MATN3: variants seen among roughly 807,000 people sequenced by gnomAD.
MATN3 encodes matrilin 3.
A neutral mutation model predicts 45.3 loss-of-function variants in MATN3; 48 were observed. That is an observed-to-expected ratio of 1.06 (90% CI 0.84 to 1.35). The LOEUF (loss-of-function observed/expected upper bound fraction) is 1.35, where lower values mean the gene tolerates loss of function less well. Among genes scored for constraint, MATN3 ranks in the 40% most tolerant of loss-of-function variants. The pLI is 0.00. For synonymous variants in MATN3, 217 were observed against 245.9 expected (o/e 0.88, Z 1.10); for missense variants, 599 against 628.0 (o/e 0.95, Z 0.49).
chr2:20,001,283 T>C (rs1672979588), intron 4 of MATN3, among the ~76,000 whole-genome samples: 1 of 152,240 alleles, frequency 6.6e-6, no homozygotes, highest in African/African-American at 2.4e-5. Flanking sequence ...TTGCCATTAA[T>C]GTCCTTTTTC....
rs973343394 is a variant in MATN3, at chr2:20,006,150, A to G, written c.384T>C (p.Ala128=). ...ADTRVAVVNY[A]STVKIEFQLQ... Reference sequence around the variant, plus strand: ...GTTGGAACTCGATCTTCACAGTGCTAGCATAGTTCACCACTGCCACCCGCG... The same window carrying G: ...GTTGGAACTCGATCTTCACAGTGCTGGCATAGTTCACCACTGCCACCCGCG... The change falls in exon 2 of 8, where the codon GCT becomes GCC. Residue 128 remains alanine, a synonymous_variant. Coordinates refer to ENST00000407540, the MANE Select transcript of MATN3 (RefSeq NM_002381.5). The G allele has an allele frequency of 6.2e-7, 1 of 1,614,012 alleles. No homozygotes were observed.
intron 6 of MATN3, 94 bp from the exon 7 acceptor site, chr2:19,994,503 G>A (rs570646592): frequency 8.5e-5 from 63 of 739,360 alleles, no homozygotes; most frequent in South Asian, 4.6e-4. Context: ...TATTTCCACC[G>A]TTAAGACTTA....
At position 19,993,008 on chromosome 2, in the gene MATN3, C is replaced by T. The variant is rs1672788990; in HGVS notation, c.*103G>A. The T allele has an allele frequency of 5.5e-6, 5 of 903,540 alleles. No individual in the cohort carries two copies. The Admixed American group carries it at 5.9e-5, about 11-fold the overall frequency. The allele number at this position is 903,540 out of a possible 1,614,324, so 56.0% of individuals were successfully genotyped here. A position where few individuals can be genotyped will look rare whatever the true frequency, so the allele number is the denominator to read the frequency against. On this transcript the variant is annotated 3_prime_UTR_variant, in exon 8 of 8. Transcript: ENST00000407540. ...ATTCAAGCATTAATACAGATAATGG[C>T]AAATTATTAGCAGGAACATTGGCAA...
At chr2:20,005,181 G>A (rs1673069050) in intron 2 of MATN3, among the ~76,000 whole-genome samples, 1 of 152,076 alleles carries the variant, frequency 6.6e-6, no homozygotes, top group Non-Finnish European at 1.5e-5. Flanking sequence ...CTTCAACAAA[G>A]AGTAATCAGA....
intron 2 of MATN3, chr2:20,004,233 T>C (rs1325149149): frequency 6.6e-6 from 1 of 152,222 alleles, no homozygotes; most frequent in African/African-American, 2.4e-5. Context: ...CTTTTTTCCA[T>C]AGAGAGGACG....
intron 5 of MATN3, among the ~76,000 whole-genome samples, chr2:19,998,257 G>T (rs1421343926): frequency 6.6e-6 from 1 of 151,990 alleles, no homozygotes; most frequent in Non-Finnish European, 1.5e-5. Flanking sequence ...ATAGCAGGGT[G>T]TTTCATTTTT....
chr2:20,012,535 G>T lies in MATN3; in HGVS notation c.97C>A (p.Arg33Ser). ...LPSAAPDPVA[R>S]PGFRRLETRG... ...GTCTCCAGCCTCCGGAAGCCCGGGC[G>T]GGCCACGGGGTCGGGGGCGGCGGAG... Residue 33 changes from arginine to serine, a missense_variant, in exon 1 of 8, where the codon CGC (arginine) becomes AGC (serine). Transcript: ENST00000407540. The surrounding 1 kb of genome is among the most constrained non-coding windows in gnomAD (Gnocchi z 4.3). 1 of 1,226,798 alleles carries T rather than the reference G, an allele frequency of 8.2e-7. No homozygotes were observed. 76.0% of individuals were successfully genotyped at this position (1,226,798 alleles called of 1,614,324 possible).
In MATN3 at chr2:20,005,863, C is replaced by G; in HGVS notation, c.671G>C (p.Arg224Pro). 6.2e-7 allele frequency: 1 copy of G among 1,608,740 alleles called. No homozygotes were observed. The highest frequency in any genetic ancestry group is 8.5e-7 in the Non-Finnish European group (1 of 1,177,520). Residue 224 changes from arginine (R) to proline (P), a missense_variant, in exon 2 of 8, where the codon CGG (arginine) becomes CCG (proline). Arg to Pro is a moderately radical substitution (Grantham distance 103). Transcript: ENST00000407540. ...CATCTTGAGGGACGCCATGTCTGCCCGGTCCACGCCCACAGCATAGAGCTC... is the reference window on the plus strand; with the variant it reads ...CATCTTGAGGGACGCCATGTCTGCCGGGTCCACGCCCACAGCATAGAGCTC... Reference protein sequence around the residue: ...GIELYAVGVDRADMASLKMMA... With the variant: ...GIELYAVGVDPADMASLKMMA...
At chr2:20,009,387 C>A (rs1558376078) in intron 1 of MATN3, among the ~76,000 whole-genome samples, 1 of 151,824 alleles carries the variant, frequency 6.6e-6, no homozygotes, top group Admixed American at 6.6e-5. Context: ...GAACAGAAAA[C>A]CAGACACCAC....
At chr2:20,001,160 G>A (rs962679696) in intron 4 of MATN3, among the ~76,000 whole-genome samples, 4 of 152,138 alleles carry the variant, frequency 2.6e-5, no homozygotes, top group Non-Finnish European at 5.9e-5. Context: ...AAAAATTCCT[G>A]TACTTCACCC....
At chr2:20,009,062 A>G (rs1673167666) in intron 1 of MATN3, among the ~76,000 whole-genome samples, 1 of 151,846 alleles carries the variant, frequency 6.6e-6, no homozygotes. Flanking sequence ...TCATCTCTAT[A>G]AAAAGTTTAA....
chr2:20,003,850 T>C (rs1019483218), intron 2 of MATN3, among the ~76,000 whole-genome samples: 1 of 152,206 alleles, frequency 6.6e-6, no homozygotes, highest in African/African-American at 2.4e-5. Flanking sequence ...GTCTTCTGAA[T>C]ATGTAAGGTG....
In MATN3 at chr2:20,006,231, T is replaced by G. The variant is rs758973914; in HGVS notation, c.303A>C (p.Lys101Asn). Residue 101 changes from lysine to asparagine, a missense_variant, in exon 2 of 8, where the codon AAA becomes AAC. Coordinates refer to ENST00000407540, the MANE Select transcript of MATN3 (RefSeq NM_002381.5). ...SRSVRPLEFT[K>N]VKTFVSRIID... Reference sequence around the variant, plus strand: ...TTATCCGGGAGACAAAAGTTTTCACTTTGGTGAATTCCAGGGGCCGTACGC... The same window carrying G: ...TTATCCGGGAGACAAAAGTTTTCACGTTGGTGAATTCCAGGGGCCGTACGC... The G allele has an allele frequency of 6.8e-6, 11 of 1,612,490 alleles. No homozygotes were observed. In the Admixed American group the frequency reaches 1.3e-4, roughly 20 times the overall value.
At chr2:19,994,602 AC>A (rs1558369567) in intron 6 of MATN3, among the ~76,000 whole-genome samples, 193 bp from the exon 7 acceptor site, 1 of 152,272 alleles carries the variant, frequency 6.6e-6, no homozygotes, top group Non-Finnish European at 1.5e-5. Context: ...ATCTTAGGAT[AC>A]ATTGGGGAAA....
intron 1 of MATN3, among the ~76,000 whole-genome samples, chr2:20,009,252 C>A (rs1012200280): frequency 9.2e-5 from 12 of 130,690 alleles, no homozygotes; most frequent in South Asian, 5.8e-4. Flanking sequence ...AAAAAGGAAT[C>A]AAAATTCTTT....
Position 19,995,632 on chromosome 2 carries a change from TC to T in MATN3, c.1295-1224del, listed in dbSNP as rs1672851492. ...AAATATGAGAGGTGATAAAAGTAAC[TC>T]CTATTTCTTTATGGAATTCAGTCAG... is the stretch of plus-strand genomic sequence containing the variant. On this transcript the variant is annotated intron_variant, in intron 6 of 7. Transcript: ENST00000407540. The surrounding 1 kb of genome is among the most constrained non-coding windows in gnomAD (Gnocchi z 4.2). Among the ~76,000 whole-genome samples, 1 of 152,194 alleles carries T rather than the reference TC, an allele frequency of 6.6e-6. No individual in the cohort carries two copies. Among genetic ancestry groups the T allele is most frequent in the South Asian group, 2.1e-4 (1 of 4,832 alleles).
chr2:20,005,603 C>T (rs550378911), intron 2 of MATN3, 141 bp downstream of exon 2: 10 of 709,082 alleles, frequency 1.4e-5, no homozygotes, highest in Non-Finnish European at 2.1e-5. Flanking sequence ...CGCATGCACA[C>T]GTGCACACAC....
chr2:19,993,914 G>C (rs1291447487), intron 7 of MATN3, among the ~76,000 whole-genome samples: 1 of 152,166 alleles, frequency 6.6e-6, no homozygotes, highest in Non-Finnish European at 1.5e-5. Flanking sequence ...GGGTACAACT[G>C]TGTGTAATCT....
chr2:20,012,326 G>A lies in MATN3; in HGVS notation c.223+83C>T, dbSNP rs963916699. The A allele has an allele frequency of 1.5e-4, 161 of 1,098,442 alleles. No homozygotes were observed. The highest frequency in any genetic ancestry group is 2.9e-5 in the Non-Finnish European group (25 of 868,836). The allele number at this position is 1,098,442 out of a possible 1,614,324, so 68.0% of individuals were successfully genotyped here. A position where few individuals can be genotyped will look rare whatever the true frequency, so the allele number is the denominator to read the frequency against. On this transcript the variant is annotated intron_variant, in intron 1 of 7. Transcript: ENST00000407540. The surrounding 1 kb of genome is among the most constrained non-coding windows in gnomAD (Gnocchi z 4.3). ...TTCCCCCGCACCACGGTCGGCCTGAGGCCGGGATGAAGCGCGCTTGGTGGA... is the reference window on the plus strand; with the variant it reads ...TTCCCCCGCACCACGGTCGGCCTGAAGCCGGGATGAAGCGCGCTTGGTGGA...
Sources: allele counts gnomAD v4.1 joint callset (sites outside exome capture counted in the v4.1 genomes callset), GRCh38; gene constraint gnomAD v4.1.1; non-coding constraint Gnocchi (gnomAD v3.1); transcripts MANE v1.5; gene names NCBI Gene and HGNC (gene_info 2026-07-23, HGNC 2026-07-21).